NRG3: variants seen among roughly 807,000 people sequenced by gnomAD.
The protein encoded by NRG3 is pro-neuregulin-3, membrane-bound isoform.
In NRG3, 31 loss-of-function variants were observed where a neutral mutation model predicts 66.9. The ratio of observed to expected loss-of-function variants is 0.46; its 90% CI spans 0.35 to 0.63. The LOEUF is 0.63. NRG3 is among the 20% of genes least tolerant of loss of function. The probability of loss-of-function intolerance (pLI) is 0.00; values close to 1 mark genes in which losing one functional copy is unlikely to be tolerated. For synonymous variants in NRG3, 393 were observed against 359.4 expected, an observed-to-expected ratio of 1.09 and a Z score of -1.06; for missense variants, 910 against 878.9, an observed-to-expected ratio of 1.04 and a Z score of -0.45.
chr10:82,363,808 T>C (rs2084345913), intron 2 of NRG3, among the ~76,000 whole-genome samples: 1 of 152,188 alleles, frequency 6.6e-6, no homozygotes, highest in Non-Finnish European at 1.5e-5. Flanking sequence ...CACATTTTTA[T>C]CTGTAATAGC....
intron 3 of NRG3, among the ~76,000 whole-genome samples, chr10:82,779,332 GC>G (rs1378098927): frequency 4.6e-5 from 7 of 152,132 alleles, no homozygotes; most frequent in Admixed American, 2.6e-4. Context: ...GCTGATTTTA[GC>G]TGGGGGCATG....
At chr10:82,273,890 C>A (rs1483297137) in intron 1 of NRG3, among the ~76,000 whole-genome samples, 2 of 151,934 alleles carry the variant, frequency 1.3e-5, no homozygotes, top group African/African-American at 4.8e-5. Flanking sequence ...AGCTTGTAGG[C>A]GATGACTGTG....
chr10:82,018,139 C>A (rs528807786), intron 1 of NRG3, among the ~76,000 whole-genome samples: 48 of 152,162 alleles, frequency 3.2e-4, no homozygotes, highest in South Asian at 2.3e-3. Flanking sequence ...ATCCAGTTTC[C>A]GCTTTCTACC....
rs537559812 is a variant in NRG3 at position 82,503,425 on chromosome 10, A to T, written c.953+144557A>T. Among the ~76,000 whole-genome samples the T allele has an allele frequency of 3.3e-5, 5 of 152,272 alleles. No homozygotes were observed. In the South Asian group the frequency reaches 8.3e-4, roughly 25 times the overall value. On this transcript the variant is annotated intron_variant, in intron 2 of 8. Coordinates refer to ENST00000372141, the MANE Select transcript of NRG3 (RefSeq NM_001010848.4). ...GTGTAAATCCACTGATTTCAAGAAG[A>T]TGTAAGAGTTTTACCTCCACTTGGT...
At chr10:82,984,902 T>C (rs1853299102) in intron 8 of NRG3, 196 bp from the exon 9 acceptor site, 1 of 1,342,048 alleles carries the variant, frequency 7.5e-7, no homozygotes. Flanking sequence ...ATTTTCTGTG[T>C]GACCTTGGGC....
intron 1 of NRG3, among the ~76,000 whole-genome samples, chr10:82,118,651 T>C (rs980758453): frequency 6.6e-6 from 1 of 152,182 alleles, no homozygotes. Flanking sequence ...AAATTTTCGC[T>C]ACCTTGCTTT....
chr10:81,960,547 A>G (rs1850257559), intron 1 of NRG3, among the ~76,000 whole-genome samples: 1 of 152,028 alleles, frequency 6.6e-6, no homozygotes, highest in Non-Finnish European at 1.5e-5. Context: ...AGTAAGTCAT[A>G]TAGCAGCATA....
intron 2 of NRG3, among the ~76,000 whole-genome samples, chr10:82,729,535 G>A (rs775672642): frequency 1.3e-5 from 2 of 152,106 alleles, no homozygotes; most frequent in Non-Finnish European, 2.9e-5. Flanking sequence ...ACATCGCTAT[G>A]CACCCTGAAG....
intron 3 of NRG3, among the ~76,000 whole-genome samples, chr10:82,810,202 T>C (rs925276977): frequency 3.9e-5 from 6 of 152,326 alleles, no homozygotes; most frequent in African/African-American, 1.4e-4. Flanking sequence ...GTGTGCTTCA[T>C]GTCTTGTTTA....
At chr10:81,985,321 T>C (rs780180996) in intron 1 of NRG3, among the ~76,000 whole-genome samples, 1 of 152,226 alleles carries the variant, frequency 6.6e-6, no homozygotes, top group Non-Finnish European at 1.5e-5. Context: ...CCACTGCTGC[T>C]GGATGGGCTT....
At chr10:82,882,540 C>T (rs1236330625) in intron 4 of NRG3, among the ~76,000 whole-genome samples, 1 of 152,148 alleles carries the variant, frequency 6.6e-6, no homozygotes, top group Non-Finnish European at 1.5e-5. Flanking sequence ...AGGCACTGTC[C>T]AGTGGAAGAA....
At chr10:82,920,657 G>A (rs73311348) in intron 4 of NRG3, among the ~76,000 whole-genome samples, 15,520 of 151,928 alleles carry the variant, frequency 0.1, 1,130 homozygotes, top group African/African-American at 0.19. Context: ...GCTTATTCTA[G>A]GACTACAGCA....
At chr10:82,601,519 A>AT (rs1313520060) in intron 2 of NRG3, among the ~76,000 whole-genome samples, 1 of 151,962 alleles carries the variant, frequency 6.6e-6, no homozygotes, top group Non-Finnish European at 1.5e-5. Flanking sequence ...CTTTTAATGT[A>AT]TTTTTTCAAA....
At chr10:82,915,972 C>T (rs1923566) in intron 4 of NRG3, among the ~76,000 whole-genome samples, 45,306 of 152,096 alleles carry the variant, frequency 0.3, 7,087 homozygotes, top group East Asian at 0.53. Flanking sequence ...GAATAAGGCT[C>T]TTTCTAGTGC....
At chr10:82,454,554 A>G (rs2091183648) in intron 2 of NRG3, among the ~76,000 whole-genome samples, 1 of 152,258 alleles carries the variant, frequency 6.6e-6, no homozygotes, top group African/African-American at 2.4e-5. Context: ...AGTATTTACA[A>G]TGAATGAGGA....
At chr10:82,798,038 T>C (rs942056871) in intron 3 of NRG3, among the ~76,000 whole-genome samples, 2 of 152,170 alleles carry the variant, frequency 1.3e-5, no homozygotes, top group African/African-American at 4.8e-5. Context: ...TAGAAGTGTA[T>C]TGCTATTTAT....
At chr10:82,671,440 C>A (rs1216094701) in intron 2 of NRG3, among the ~76,000 whole-genome samples, 1 of 152,152 alleles carries the variant, frequency 6.6e-6, no homozygotes. Context: ...GAGCAGATTG[C>A]CTTGAAAGTC....
In NRG3 at chr10:82,828,663, A is replaced by G. The variant is rs1255781269; in HGVS notation, c.1028-36748A>G. ...TGAATTTTACCATTACACATTTTTT[A>G]AATCACAGATAAGATTTTTCACTTG... is the stretch of plus-strand genomic sequence containing the variant. On this transcript the variant is annotated intron_variant, in intron 3 of 8. Transcript: ENST00000372141. 1.8e-4 allele frequency among the ~76,000 whole-genome samples: 27 copies of G among 152,204 alleles called. 1 individual carries two copies. Among genetic ancestry groups the G allele is most frequent in the Admixed American group, 1.8e-3 (27 of 15,280 alleles).
chr10:82,753,669 C>G (rs1195873521), intron 3 of NRG3, among the ~76,000 whole-genome samples: 2 of 151,774 alleles, frequency 1.3e-5, no homozygotes, highest in Non-Finnish European at 2.9e-5. Flanking sequence ...AAAAGTTCCA[C>G]CGGGAGTGGT....
Sources: gnomAD v4.1 joint callset for allele counts (sites outside exome capture counted in the v4.1 genomes callset) on GRCh38, gnomAD v4.1.1 for gene constraint, MANE v1.5 for transcripts, NCBI Gene and HGNC (gene_info 2026-07-23, HGNC 2026-07-21) for gene names.